TENM4: variants seen among roughly 807,000 people sequenced by gnomAD.
The protein encoded by TENM4 is teneurin transmembrane protein 4.
A neutral mutation model predicts 243.3 loss-of-function variants in TENM4; 82 were observed. That is an observed-to-expected ratio of 0.34 (90% CI 0.28 to 0.40). TENM4 has a LOEUF of 0.40. TENM4 is among the 10% of genes least tolerant of loss of function. The pLI, the probability that TENM4 is intolerant of heterozygous loss-of-function variation, is 1.00. For missense variants in TENM4, 3,138 were observed against 3,673.3 expected (o/e 0.85, Z 3.77); for synonymous variants, 1,412 against 1,456.3 (o/e 0.97, Z 0.69).
intron 1 of TENM4, among the ~76,000 whole-genome samples, chr11:79,418,490 A>T (rs1378577752): frequency 2.6e-5 from 4 of 152,244 alleles, no homozygotes; most frequent in Non-Finnish European, 5.9e-5. Flanking sequence ...CTAAACGCCA[A>T]TTCTGGCTCT....
chr11:78,724,476 T>C (rs775806272), intron 23 of TENM4, among the ~76,000 whole-genome samples: 7 of 152,240 alleles, frequency 4.6e-5, no homozygotes, highest in Non-Finnish European at 7.3e-5. Flanking sequence ...ACTTTATATA[T>C]AGTGTGAAGT....
At chr11:78,800,738 A>AGG (rs1491142664) in intron 15 of TENM4, among the ~76,000 whole-genome samples, 4 of 15,174 alleles carry the variant, frequency 2.6e-4, no homozygotes, top group Non-Finnish European at 1.1e-3. Context: ...TTCACAGGGG[A>AGG]GAGAGAGAGA....
chr11:78,672,171 C>T lies in TENM4; in HGVS notation c.5655G>A (p.Val1885=). ...SPSSRLNGVN[V]TYSPGGYIAG... is the part of the protein sequence containing the mutation. ...CAATGTAACCCCCAGGGGAGTATGTCACGTTGACACCATTCAGCCTGCTGC... is the reference window on the plus strand; with the variant it reads ...CAATGTAACCCCCAGGGGAGTATGTTACGTTGACACCATTCAGCCTGCTGC... The change falls in exon 31 of 34, where the codon GTG becomes GTA. Residue 1885 remains valine, a synonymous_variant. Transcript: ENST00000278550. 6.2e-7 allele frequency: 1 copy of T among 1,613,904 alleles called. No individual in the cohort carries two copies.
intron 2 of TENM4, among the ~76,000 whole-genome samples, chr11:79,278,747 G>A (rs1351824492): frequency 6.6e-6 from 1 of 152,198 alleles, no homozygotes; most frequent in Non-Finnish European, 1.5e-5. Flanking sequence ...AGTCTCTCAG[G>A]AATTCTCAGA....
chr11:79,111,901 T>C (rs1861516996), intron 4 of TENM4, among the ~76,000 whole-genome samples: 1 of 151,948 alleles, frequency 6.6e-6, no homozygotes, highest in Non-Finnish European at 1.5e-5. Flanking sequence ...ATTTATTAGA[T>C]GAAGAGCAGT....
intron 6 of TENM4, among the ~76,000 whole-genome samples, chr11:78,958,202 C>T (rs1259996694): frequency 1.3e-5 from 2 of 152,192 alleles, no homozygotes; most frequent in Non-Finnish European, 2.9e-5. Context: ...TTCTCCCACC[C>T]ACCCACTACC....
chr11:78,735,350 AT>A (rs1404105677), intron 20 of TENM4, among the ~76,000 whole-genome samples: 1 of 152,222 alleles, frequency 6.6e-6, no homozygotes, highest in Admixed American at 6.5e-5. Context: ...TCAAAGAACA[AT>A]TTTTCTGTCA....
intron 4 of TENM4, among the ~76,000 whole-genome samples, chr11:79,124,385 A>C (rs575546557): frequency 3.3e-4 from 51 of 152,250 alleles, no homozygotes; most frequent in African/African-American, 1.2e-3. Context: ...GAATATAAGC[A>C]GGCAGAAAAA....
chr11:78,662,487 C>T (rs1431092964), intron 32 of TENM4, among the ~76,000 whole-genome samples: 1 of 152,168 alleles, frequency 6.6e-6, no homozygotes, highest in Non-Finnish European at 1.5e-5. Flanking sequence ...CGTGCCCGGC[C>T]ACCTTCATTT....
intron 12 of TENM4, among the ~76,000 whole-genome samples, chr11:78,822,697 A>G (rs890284721): frequency 2.0e-5 from 3 of 152,180 alleles, no homozygotes; most frequent in Non-Finnish European, 4.4e-5. Context: ...ACAAACCTGC[A>G]CGTCATGCAC....
intron 6 of TENM4, among the ~76,000 whole-genome samples, chr11:78,982,267 G>A (rs1031219774): frequency 6.6e-6 from 1 of 152,118 alleles, no homozygotes; most frequent in African/African-American, 2.4e-5. Flanking sequence ...CCCTGTTCTT[G>A]TGACACTCCT....
Position 79,255,950 on chromosome 11 carries a change from C to T in TENM4, c.-264-40041G>A, listed in dbSNP as rs114996237. Among the ~76,000 whole-genome samples, 504 of 152,304 alleles carry T rather than the reference C, an allele frequency of 3.3e-3. 4 individuals carry two copies. Among genetic ancestry groups the T allele is most frequent in the African/African-American group, 0.012 (485 of 41,570 alleles). ...TCCTCCAGCTCTTTTCTCTACCCTT[C>T]GCTGCCCTTTTCTGTGCCCCAGGAG... On this transcript the variant is annotated intron_variant, in intron 2 of 33. Transcript: ENST00000278550.
chr11:78,945,827 C>T (rs555313422), intron 6 of TENM4, among the ~76,000 whole-genome samples: 1 of 152,288 alleles, frequency 6.6e-6, no homozygotes, highest in South Asian at 2.1e-4. Flanking sequence ...ACAACACTCC[C>T]TTAAACCAAA....
Position 78,775,520 on chromosome 11 carries a change from T to C in TENM4, c.2392+3082A>G, listed in dbSNP as rs1056924341. Among the ~76,000 whole-genome samples, 37 of 152,360 alleles carry C rather than the reference T, an allele frequency of 2.4e-4. 1 individual carries two copies. The highest frequency in any genetic ancestry group is 3.4e-3 in the Middle Eastern group (1 of 294). On this transcript the variant is annotated intron_variant, in intron 17 of 33. Coordinates refer to ENST00000278550, the MANE Select transcript of TENM4 (RefSeq NM_001098816.3). ...GAAGATCTGCAGTATCCTATAAGTT[T>C]CAGAGGGACTTTGAGTACCTGTGGG...
intron 6 of TENM4, among the ~76,000 whole-genome samples, chr11:78,955,510 G>T (rs185470672): frequency 2.7e-4 from 41 of 152,308 alleles, no homozygotes; most frequent in Admixed American, 7.2e-4. Flanking sequence ...TGGACACATA[G>T]CTAATGTGCC....
chr11:79,266,267 T>C (rs1855882383), intron 2 of TENM4, among the ~76,000 whole-genome samples: 1 of 152,200 alleles, frequency 6.6e-6, no homozygotes, highest in African/African-American at 2.4e-5. Flanking sequence ...CATTCCTTAA[T>C]CTTCTCAACA....
At chr11:79,257,165 G>A (rs1855714780) in intron 2 of TENM4, among the ~76,000 whole-genome samples, 2 of 152,098 alleles carry the variant, frequency 1.3e-5, no homozygotes. Flanking sequence ...ATCATGGTGG[G>A]CATTGTTCAG....
intron 6 of TENM4, among the ~76,000 whole-genome samples, chr11:78,940,634 C>A (rs926991397): frequency 6.6e-6 from 1 of 152,188 alleles, no homozygotes; most frequent in African/African-American, 2.4e-5. Context: ...TAACATTCCT[C>A]CTGGGAGATG....
At chr11:78,728,734 C>A (rs913906961) in intron 22 of TENM4, among the ~76,000 whole-genome samples, 1 of 152,118 alleles carries the variant, frequency 6.6e-6, no homozygotes, top group Non-Finnish European at 1.5e-5. Context: ...GGATCAACTC[C>A]GCAGGGTTAG....
Sources: allele counts gnomAD v4.1 joint callset (sites outside exome capture counted in the v4.1 genomes callset), GRCh38; gene constraint gnomAD v4.1.1; transcripts MANE v1.5; gene names NCBI Gene and HGNC (gene_info 2026-07-23, HGNC 2026-07-21).